The following ARHGAP15 variants were observed in gnomAD, a reference collection of about 807,000 sequenced individuals.
ARHGAP15 encodes the protein rho GTPase-activating protein 15.
In ARHGAP15, 51 loss-of-function variants were observed where a neutral mutation model predicts 63.7. The observed-to-expected ratio is 0.80, with a 90% CI of 0.64 to 1.01. The LOEUF is 1.01. Ranked by LOEUF, ARHGAP15 falls within the 50% of genes least tolerant of loss-of-function variation. The pLI, the probability that ARHGAP15 is intolerant of heterozygous loss-of-function variation, is 0.00. For synonymous variants in ARHGAP15, 191 were observed against 193.8 expected (o/e 0.99, Z 0.12); for missense variants, 560 against 564.6 (o/e 0.99, Z 0.08).
At chr2:143,501,269 T>C (rs957863061) in intron 9 of ARHGAP15, among the ~76,000 whole-genome samples, 11 of 152,376 alleles carry the variant, frequency 7.2e-5, no homozygotes, top group Middle Eastern at 3.4e-3. Flanking sequence ...TGAAATACGA[T>C]GTTTACATCT....
At chr2:143,407,396 A>G (rs1688243463) in intron 6 of ARHGAP15, among the ~76,000 whole-genome samples, 1 of 151,684 alleles carries the variant, frequency 6.6e-6, no homozygotes, top group African/African-American at 2.4e-5. Flanking sequence ...TTCCTTTCCT[A>G]TTTTCTACCT....
chr2:143,435,855 T>C (rs925185408), intron 7 of ARHGAP15, among the ~76,000 whole-genome samples, 156 bp downstream of exon 7: 2 of 152,150 alleles, frequency 1.3e-5, no homozygotes, highest in African/African-American at 4.8e-5. Flanking sequence ...TAAAAACCTT[T>C]TCAGCAGACA....
At chr2:143,300,593 T>G (rs1682850822) in intron 6 of ARHGAP15, among the ~76,000 whole-genome samples, 1 of 152,026 alleles carries the variant, frequency 6.6e-6, no homozygotes, top group African/African-American at 2.4e-5. Context: ...ATGCAGTGAT[T>G]CAGGGACCCT....
chr2:143,440,901 C>T (rs968923776), intron 8 of ARHGAP15, among the ~76,000 whole-genome samples: 1 of 152,006 alleles, frequency 6.6e-6, no homozygotes, highest in Non-Finnish European at 1.5e-5. Context: ...GAATTGTCTT[C>T]CACTGACAGC....
intron 6 of ARHGAP15, among the ~76,000 whole-genome samples, chr2:143,266,593 T>C (rs62170381): frequency 6.6e-6 from 1 of 152,022 alleles, no homozygotes; most frequent in African/African-American, 2.4e-5. Flanking sequence ...AGTTTACTTA[T>C]TAAAAATGAA....
chr2:143,504,095 C>A (rs938539008), intron 9 of ARHGAP15, among the ~76,000 whole-genome samples: 5 of 152,074 alleles, frequency 3.3e-5, no homozygotes, highest in Non-Finnish European at 7.4e-5. Context: ...ATGGGTGAGA[C>A]ATTTGAGGTA....
intron 6 of ARHGAP15, among the ~76,000 whole-genome samples, chr2:143,355,316 CTT>C (rs749511436): frequency 1.5e-4 from 23 of 152,178 alleles, no homozygotes; most frequent in African/African-American, 5.3e-4. Context: ...TTTCGGTTAA[CTT>C]TTTTCAAGTT....
At chr2:143,338,901 C>T (rs1413819357) in intron 6 of ARHGAP15, among the ~76,000 whole-genome samples, 1 of 152,024 alleles carries the variant, frequency 6.6e-6, no homozygotes, top group Non-Finnish European at 1.5e-5. Flanking sequence ...ATAGTACCTC[C>T]CTCACTGTGT....
At chr2:143,262,037 T>C (rs539910343) in intron 6 of ARHGAP15, among the ~76,000 whole-genome samples, 2 of 152,204 alleles carry the variant, frequency 1.3e-5, no homozygotes, top group African/African-American at 2.4e-5. Context: ...GAAGGCTCTT[T>C]CAGGTTTCCT....
intron 11 of ARHGAP15, among the ~76,000 whole-genome samples, chr2:143,559,561 A>C (rs1320426463): frequency 6.6e-6 from 1 of 152,216 alleles, no homozygotes; most frequent in Non-Finnish European, 1.5e-5. Flanking sequence ...ATGATAAGTG[A>C]AATGCATATA....
chr2:143,136,774 G>A (rs1357642031), intron 1 of ARHGAP15, among the ~76,000 whole-genome samples: 2 of 151,934 alleles, frequency 1.3e-5, no homozygotes, highest in Non-Finnish European at 2.9e-5. Context: ...TTATGTACTT[G>A]AATCCTTTTT....
intron 4 of ARHGAP15, among the ~76,000 whole-genome samples, chr2:143,220,489 G>C (rs191036922): frequency 1.3e-5 from 2 of 152,152 alleles, no homozygotes. Flanking sequence ...GGGATTACAG[G>C]CGTGAGCAAT....
chr2:143,289,824 AAAG>A (rs1398416386), intron 6 of ARHGAP15, among the ~76,000 whole-genome samples: 2 of 152,178 alleles, frequency 1.3e-5, no homozygotes, highest in African/African-American at 4.8e-5. Flanking sequence ...ATAACCAAAA[AAAG>A]AGGAAGAAGA....
intron 5 of ARHGAP15, chr2:143,235,905 C>T: frequency 6.5e-7 from 1 of 1,526,868 alleles, no homozygotes; most frequent in South Asian, 1.3e-5. Context: ...ACTTCATTTG[C>T]AGCTTGACTC....
intron 6 of ARHGAP15, among the ~76,000 whole-genome samples, chr2:143,253,995 G>A (rs867316223): frequency 6.6e-6 from 1 of 152,060 alleles, no homozygotes; most frequent in African/African-American, 2.4e-5. Context: ...GATGTAGTTC[G>A]AGAAACCTTT....
chr2:143,273,444 G>T (rs1053948154), intron 6 of ARHGAP15, among the ~76,000 whole-genome samples: 1 of 151,476 alleles, frequency 6.6e-6, no homozygotes, highest in African/African-American at 2.4e-5. Context: ...ATACCCCAAT[G>T]AACCTATTGT....
chr2:143,541,679 C>T (rs1448440184), intron 10 of ARHGAP15, among the ~76,000 whole-genome samples: 1 of 152,204 alleles, frequency 6.6e-6, no homozygotes, highest in Non-Finnish European at 1.5e-5. Flanking sequence ...GCAGTGGTGG[C>T]TGCAGAACAG....
intron 11 of ARHGAP15, among the ~76,000 whole-genome samples, chr2:143,603,318 C>T (rs1008045456): frequency 2.6e-4 from 40 of 152,252 alleles, no homozygotes; most frequent in African/African-American, 9.4e-4. Flanking sequence ...ATTTTTAGAC[C>T]TGAATCAGTC....
At chr2:143,536,210 A>G (rs1264889733) in intron 10 of ARHGAP15, among the ~76,000 whole-genome samples, 1 of 152,152 alleles carries the variant, frequency 6.6e-6, no homozygotes, top group Non-Finnish European at 1.5e-5. Flanking sequence ...CCGTCCGCCT[A>G]ATCATACCAG....
Sources: gnomAD v4.1 joint callset for allele counts (sites outside exome capture counted in the v4.1 genomes callset) on GRCh38, gnomAD v4.1.1 for gene constraint, MANE v1.5 for transcripts, NCBI Gene and HGNC (gene_info 2026-07-23, HGNC 2026-07-21) for gene names.